SPTBN1: variants seen among roughly 807,000 people sequenced by gnomAD.
The protein encoded by SPTBN1 is spectrin beta chain, non-erythrocytic 1.
In SPTBN1, 32 loss-of-function variants were observed where a neutral mutation model predicts 266.4. The observed-to-expected ratio is 0.12, with a 90% CI of 0.09 to 0.16. SPTBN1 has a LOEUF of 0.16. SPTBN1 is among the 10% of genes least tolerant of loss of function. SPTBN1 has a pLI of 1.00. For missense variants in SPTBN1, 2,296 were observed against 3,067.1 expected, an observed-to-expected ratio of 0.75 and a Z score of 5.94; for synonymous variants, 1,336 against 1,162.2, an observed-to-expected ratio of 1.15 and a Z score of -3.04.
intron 1 of SPTBN1, among the ~76,000 whole-genome samples, chr2:54,478,731 T>G (rs1356128316): frequency 6.6e-6 from 1 of 152,212 alleles, no homozygotes; most frequent in Non-Finnish European, 1.5e-5. Flanking sequence ...CATTTTAAAA[T>G]TATATAAATG....
chr2:54,525,742 T>A (rs1235774187), intron 1 of SPTBN1, among the ~76,000 whole-genome samples: 3 of 152,234 alleles, frequency 2.0e-5, no homozygotes, highest in African/African-American at 7.2e-5. Flanking sequence ...TCTTTTTTTT[T>A]CTTTTTGAGA....
intron 2 of SPTBN1, among the ~76,000 whole-genome samples, chr2:54,535,622 T>G (rs1180277666): frequency 6.6e-6 from 1 of 152,224 alleles, no homozygotes; most frequent in Non-Finnish European, 1.5e-5. Flanking sequence ...AGTGGTAGAT[T>G]AGAGAGAAAG....
intron 2 of SPTBN1, among the ~76,000 whole-genome samples, chr2:54,567,443 C>T (rs1249751268): frequency 2.0e-5 from 3 of 152,104 alleles, no homozygotes; most frequent in African/African-American, 7.2e-5. Context: ...TGGGCTCAAG[C>T]CATCCTTCCA....
At position 54,671,088 on chromosome 2, in the gene SPTBN1, T is replaced by C. The variant is rs1681668345; in HGVS notation, c.*2519T>C. ...GTGACAATACTGGCCCCTCCATAAA[T>C]CTGAAGAGTAAGAAGTAGTGAAAAT... On this transcript the variant is annotated 3_prime_UTR_variant, in exon 36 of 36. Transcript: ENST00000356805. 1 of 320,628 alleles carries C rather than the reference T, an allele frequency of 3.1e-6. No homozygotes were observed. Among genetic ancestry groups the C allele is most frequent in the Non-Finnish European group, 5.6e-6 (1 of 177,510 alleles). 19.9% of individuals were successfully genotyped at this position (320,628 alleles called of 1,614,324 possible).
chr2:54,661,477 T>C (rs543718686), intron 32 of SPTBN1: 2 of 985,886 alleles, frequency 2.0e-6, no homozygotes, highest in African/African-American at 3.5e-5. Context: ...ATATAGCATC[T>C]TGTTTGTTTT....
At chr2:54,529,529 C>T (rs746733709) in intron 2 of SPTBN1, 8 of 710,990 alleles carry the variant, frequency 1.1e-5, no homozygotes, top group African/African-American at 8.7e-5. Context: ...CAGATATCCT[C>T]GGAAGACCAC....
intron 1 of SPTBN1, among the ~76,000 whole-genome samples, chr2:54,503,923 TAACA>T (rs1231350122): frequency 2.0e-5 from 3 of 152,230 alleles, no homozygotes; most frequent in Non-Finnish European, 4.4e-5. Context: ...AAAACAGCCA[TAACA>T]AACCATATTC....
intron 3 of SPTBN1, among the ~76,000 whole-genome samples, chr2:54,609,304 C>T (rs1395265004): frequency 1.3e-5 from 2 of 152,170 alleles, no homozygotes; most frequent in African/African-American, 2.4e-5. Flanking sequence ...CTCCAAGATC[C>T]GTATCATGAA....
intron 1 of SPTBN1, among the ~76,000 whole-genome samples, chr2:54,526,149 C>T (rs1276210525): frequency 6.6e-6 from 1 of 152,208 alleles, no homozygotes; most frequent in Non-Finnish European, 1.5e-5. Flanking sequence ...AGTATCTTCC[C>T]TCTTTAATGG....
chr2:54,623,950 G>A (rs1004421255), intron 10 of SPTBN1, among the ~76,000 whole-genome samples: 1 of 152,248 alleles, frequency 6.6e-6, no homozygotes, highest in African/African-American at 2.4e-5. Context: ...GTGTTTCATA[G>A]TAGTTGTGGG....
At chr2:54,596,488 G>A (rs1676100730) in intron 2 of SPTBN1, among the ~76,000 whole-genome samples, 1 of 152,132 alleles carries the variant, frequency 6.6e-6, no homozygotes, top group South Asian at 2.1e-4. Flanking sequence ...TGTTATGAGG[G>A]TGTTGATTCT....
intron 18 of SPTBN1, among the ~76,000 whole-genome samples, chr2:54,638,240 G>A (rs1000701612): frequency 6.6e-6 from 1 of 152,150 alleles, no homozygotes; most frequent in African/African-American, 2.4e-5. Flanking sequence ...AAGTTGTATT[G>A]GATATTGATG....
Position 54,489,081 on chromosome 2 carries a change from G to A in SPTBN1, c.-48+32563G>A, listed in dbSNP as rs138080900. On this transcript the variant is annotated intron_variant, in intron 1 of 35. Transcript: ENST00000356805. Reference sequence around the variant, plus strand: ...CATGCCTGTAATCCCAGCACTTGGGGAGGCTGAGGTGGAAGGATCACTTGA... The same window carrying A: ...CATGCCTGTAATCCCAGCACTTGGGAAGGCTGAGGTGGAAGGATCACTTGA... 6.1e-3 allele frequency among the ~76,000 whole-genome samples: 919 copies of A among 151,734 alleles called. 10 individuals are homozygous for A. Among genetic ancestry groups the A allele is most frequent in the African/African-American group, 0.021 (867 of 41,304 alleles).
At chr2:54,597,488 GGGGAA>G (rs1676168123) in intron 2 of SPTBN1, among the ~76,000 whole-genome samples, 1 of 152,174 alleles carries the variant, frequency 6.6e-6, no homozygotes, top group Non-Finnish European at 1.5e-5. Context: ...CTTTGTCCCT[GGGGAA>G]GGGCCCTCCT....
In SPTBN1 at chr2:54,628,281, C is replaced by T. The variant is rs373198932; in HGVS notation, c.1798+31C>T. On this transcript the variant is annotated intron_variant, in intron 13 of 35. Coordinates refer to ENST00000356805, the MANE Select transcript of SPTBN1 (RefSeq NM_003128.3). This position sits in a 1 kb window ranked among gnomAD's most constrained non-coding sequence, Gnocchi z 4.3. ...GATGGCCCATTCCAAGCATTACCTC[C>T]GGGTCACCAGAGATTCATATTTATA... The T allele has an allele frequency of 8.8e-6, 14 of 1,586,302 alleles. No homozygotes were observed. Among genetic ancestry groups the T allele is most frequent in the Admixed American group, 7.1e-5 (4 of 56,378 alleles).
At chr2:54,624,726 G>T in intron 10 of SPTBN1, 78 bp from the exon 11 acceptor site, 1 of 1,580,478 alleles carries the variant, frequency 6.3e-7, no homozygotes. Context: ...AATATTAGCT[G>T]TTGACTGTAA....
chr2:54,576,074 A>ATTTTTTTTTTTT (rs1209132160), intron 2 of SPTBN1, among the ~76,000 whole-genome samples: 1,595 of 93,654 alleles, frequency 0.017, 277 homozygotes, highest in African/African-American at 0.032. Context: ...TTTTTTTTTG[A>ATTTTTTTTTTTT]GAGACAGTCT....
rs760627811 is a variant in SPTBN1 at position 54,645,453 on chromosome 2, C to T, written c.4494C>T (p.Ile1498=). The T allele has an allele frequency of 3.1e-6, 5 of 1,613,732 alleles. No homozygotes were observed. The highest frequency in any genetic ancestry group is 1.1e-5 in the South Asian group (1 of 90,988). The part of the protein sequence containing the change: ...HQFNRDVEDE[I]LWVGERMPLA... ...TCAACAGGGATGTGGAGGACGAGAT[C>T]GTGAGTCGACCCCTACTGCACACAT... Residue 1498 remains isoleucine, a splice_region_variant and synonymous_variant, in exon 21 of 36, where the codon ATC becomes ATT. Transcript: ENST00000356805. The surrounding 1 kb of genome is among the most constrained non-coding windows in gnomAD (Gnocchi z 4.3).
chr2:54,485,801 G>A (rs1465941367), intron 1 of SPTBN1, among the ~76,000 whole-genome samples: 4 of 150,704 alleles, frequency 2.7e-5, no homozygotes, highest in African/African-American at 9.8e-5. Context: ...TCTCTGCCCG[G>A]CCGCCCGTCG....
Sources: allele counts gnomAD v4.1 joint callset (sites outside exome capture counted in the v4.1 genomes callset), GRCh38; gene constraint gnomAD v4.1.1; non-coding constraint Gnocchi (gnomAD v3.1); transcripts MANE v1.5; gene names NCBI Gene and HGNC (gene_info 2026-07-23, HGNC 2026-07-21).